The following PABPC4L variants were observed in gnomAD, a reference collection of about 807,000 sequenced individuals.
PABPC4L encodes the protein polyadenylate-binding protein 4-like.
For missense variants in PABPC4L, 452 were observed against 451.4 expected (o/e 1.00, Z -0.01); for synonymous variants, 169 against 164.1 (o/e 1.03, Z -0.23).
At chr4:133,982,869 A>T in the PABPC4L span, among the ~76,000 whole-genome samples, 1 of 152,016 alleles carries the variant, frequency 6.6e-6, no homozygotes, top group East Asian at 1.9e-4. Flanking sequence ...TGTAATTCAC[A>T]TGAAACTAAT....
the PABPC4L span, among the ~76,000 whole-genome samples, chr4:134,120,474 C>T: frequency 6.7e-6 from 1 of 149,876 alleles, no homozygotes; most frequent in East Asian, 1.9e-4. Context: ...GTTCTTCATT[C>T]CTTCTTCTTG....
chr4:134,174,323 A>G, the PABPC4L span, among the ~76,000 whole-genome samples: 2 of 152,132 alleles, frequency 1.3e-5, no homozygotes, highest in African/African-American at 4.8e-5. Context: ...GTATATCCCA[A>G]ATGAATAATA....
chr4:133,970,206 T>G, the PABPC4L span, among the ~76,000 whole-genome samples: 1 of 151,996 alleles, frequency 6.6e-6, no homozygotes, highest in African/African-American at 2.4e-5. Context: ...GAAGTCCTCC[T>G]TCGACAAAAG....
the PABPC4L span, among the ~76,000 whole-genome samples, chr4:134,129,883 C>T: frequency 7.2e-5 from 11 of 151,792 alleles, no homozygotes; most frequent in Non-Finnish European, 1.5e-4. Flanking sequence ...GCCTGACCAA[C>T]ATGGTGAAAC....
the PABPC4L span, among the ~76,000 whole-genome samples, chr4:133,957,926 C>A: frequency 1.3e-5 from 2 of 152,188 alleles, no homozygotes; most frequent in African/African-American, 4.8e-5. Context: ...GGGCCCTGTG[C>A]CCAGCCTAGG....
At chr4:134,105,311 A>G in the PABPC4L span, among the ~76,000 whole-genome samples, 3 of 151,764 alleles carry the variant, frequency 2.0e-5, no homozygotes, top group Admixed American at 2.0e-4. Flanking sequence ...AAATAGCCCA[A>G]TATTTGGAAT....
the PABPC4L span, among the ~76,000 whole-genome samples, chr4:133,959,140 G>C: frequency 6.9e-6 from 1 of 144,568 alleles, no homozygotes; most frequent in Admixed American, 7.0e-5. Flanking sequence ...AAATACATTT[G>C]TTCATTCATT....
At chr4:134,190,764 G>A in the PABPC4L span, among the ~76,000 whole-genome samples, 1 of 151,948 alleles carries the variant, frequency 6.6e-6, no homozygotes, top group African/African-American at 2.4e-5. Flanking sequence ...CCATTATCTT[G>A]CCTCAGCCTC....
chr4:134,060,337 C>A, the PABPC4L span, among the ~76,000 whole-genome samples: 2 of 151,932 alleles, frequency 1.3e-5, no homozygotes, highest in African/African-American at 4.8e-5. Context: ...ACTTGGGGAC[C>A]ATGACCTAAT....
chr4:134,024,607 T>C, the PABPC4L span, among the ~76,000 whole-genome samples: 1 of 152,094 alleles, frequency 6.6e-6, no homozygotes, highest in East Asian at 1.9e-4. Flanking sequence ...TTTAATTTCC[T>C]TTTTAAGGCC....
the PABPC4L span, among the ~76,000 whole-genome samples, chr4:133,952,245 G>A: frequency 6.6e-6 from 1 of 152,102 alleles, no homozygotes; most frequent in Non-Finnish European, 1.5e-5. Context: ...ACAGTCCATT[G>A]GTACTGTGGC....
the PABPC4L span, among the ~76,000 whole-genome samples, chr4:134,021,107 G>C: frequency 6.6e-6 from 1 of 152,032 alleles, no homozygotes; most frequent in Non-Finnish European, 1.5e-5. Context: ...TCTTATTTAA[G>C]TTTCAACATT....
chr4:134,112,606 CTATCTATCTATA>C, the PABPC4L span, among the ~76,000 whole-genome samples: 693 of 145,694 alleles, frequency 4.8e-3, 5 homozygotes, highest in African/African-American at 0.016. Flanking sequence ...ATCTATCTAT[CTATCTATCTATA>C]TATCTATCTA....
the PABPC4L span, among the ~76,000 whole-genome samples, chr4:134,027,450 T>C: frequency 6.6e-6 from 1 of 152,170 alleles, no homozygotes; most frequent in Non-Finnish European, 1.5e-5. Flanking sequence ...ATTGTGTATA[T>C]ATACTACATT....
chr4:134,113,657 A>G, the PABPC4L span, among the ~76,000 whole-genome samples: 2 of 151,906 alleles, frequency 1.3e-5, no homozygotes, highest in African/African-American at 4.8e-5. Flanking sequence ...TACCAGATAT[A>G]GTAAACATTT....
the PABPC4L span, among the ~76,000 whole-genome samples, chr4:134,066,388 A>G: frequency 1.3e-5 from 2 of 151,960 alleles, no homozygotes; most frequent in African/African-American, 4.8e-5. Flanking sequence ...TTTTAGATTG[A>G]TTTTGCATCC....
At chr4:134,078,829 C>CT in the PABPC4L span, among the ~76,000 whole-genome samples, 59 of 148,754 alleles carry the variant, frequency 4.0e-4, no homozygotes, top group East Asian at 1.6e-3. Flanking sequence ...ATTTTTTTTT[C>CT]TTTTTTTTCT....
the PABPC4L span, among the ~76,000 whole-genome samples, chr4:133,990,512 T>A: frequency 6.6e-6 from 1 of 152,058 alleles, no homozygotes. Context: ...TCTGGCTGAG[T>A]AACAGATGAA....
chr4:134,123,683 A>C, the PABPC4L span, among the ~76,000 whole-genome samples: 1 of 152,104 alleles, frequency 6.6e-6, no homozygotes, highest in Non-Finnish European at 1.5e-5. Flanking sequence ...AGAAATCTTA[A>C]TATCTTGGGA....
Sources: allele counts gnomAD v4.1 joint callset (sites outside exome capture counted in the v4.1 genomes callset), GRCh38; gene constraint gnomAD v4.1.1; transcripts MANE v1.5; gene names NCBI Gene and HGNC (gene_info 2026-07-23, HGNC 2026-07-21).